CACNA2D2: variants seen among roughly 807,000 people sequenced by gnomAD.
CACNA2D2 encodes calcium voltage-gated channel auxiliary subunit alpha2delta 2, also known as voltage-dependent calcium channel subunit alpha-2/delta-2.
A neutral mutation model predicts 166.4 loss-of-function variants in CACNA2D2; 48 were observed. The ratio of observed to expected loss-of-function variants is 0.29; its 90% CI spans 0.23 to 0.37. CACNA2D2 has a LOEUF of 0.37. Among genes scored for constraint, CACNA2D2 ranks in the 10% least tolerant of loss-of-function variants. CACNA2D2 has a pLI of 1.00. For missense variants in CACNA2D2, 1,122 were observed against 1,433.0 expected (o/e 0.78, Z 3.50); for synonymous variants, 561 against 573.7 (o/e 0.98, Z 0.32).
At chr3:50,495,158 C>T (rs1304317664) in intron 1 of CACNA2D2, among the ~76,000 whole-genome samples, 1 of 152,182 alleles carries the variant, frequency 6.6e-6, no homozygotes, top group East Asian at 1.9e-4. Context: ...CCTCAGTTTC[C>T]GTGTCTATAT....
intron 21 of CACNA2D2, 123 bp from the exon 22 acceptor site, chr3:50,374,936 A>T: frequency 2.6e-6 from 2 of 779,916 alleles, no homozygotes; most frequent in Non-Finnish European, 4.3e-6. Flanking sequence ...ACCACCAGGG[A>T]CCCCTCTCCC....
At chr3:50,399,185 C>A (rs1399531092) in intron 3 of CACNA2D2, among the ~76,000 whole-genome samples, 2 of 152,216 alleles carry the variant, frequency 1.3e-5, no homozygotes, top group Non-Finnish European at 2.9e-5. Flanking sequence ...GTGCTCCACA[C>A]TTCTCCTTGG....
At chr3:50,391,775 G>C (rs1302274495) in intron 4 of CACNA2D2, among the ~76,000 whole-genome samples, 1 of 152,226 alleles carries the variant, frequency 6.6e-6, no homozygotes, top group Non-Finnish European at 1.5e-5. Flanking sequence ...TCAATACAGG[G>C]AGGGCCACAC....
intron 5 of CACNA2D2, among the ~76,000 whole-genome samples, chr3:50,386,092 G>A (rs1325186637): frequency 3.9e-5 from 6 of 152,132 alleles, no homozygotes; most frequent in Admixed American, 3.9e-4. Flanking sequence ...GAAAATGTGT[G>A]CGTGCTGTCA....
Position 50,366,083 on chromosome 3 carries a change from G to A in CACNA2D2, c.2790C>T (p.Ser930=). The A allele has an allele frequency of 6.2e-7, 1 of 1,613,872 alleles. No individual in the cohort carries two copies. The highest frequency in any genetic ancestry group is 8.5e-7 in the Non-Finnish European group (1 of 1,179,980). Reference sequence around the variant, plus strand: ...GGGCACAGGCTGCCTGATAGTCATAGGACTCCTTGCGGGTGTAGAAGGAGT... The same window carrying A: ...GGGCACAGGCTGCCTGATAGTCATAAGACTCCTTGCGGGTGTAGAAGGAGT... ...YNNSFYTRKE[S]YDYQAACAPQ... The change falls in exon 32 of 38, where the codon TCC becomes TCT. Residue 930 remains serine (S), a synonymous_variant. Coordinates refer to ENST00000424201, the MANE Select transcript of CACNA2D2 (RefSeq NM_006030.4). This position sits in a 1 kb window ranked among gnomAD's most constrained non-coding sequence, Gnocchi z 5.9.
Position 50,374,818 on chromosome 3 carries a change from G to A in CACNA2D2, c.1908-5C>T, listed in dbSNP as rs377584163. The A allele has an allele frequency of 6.3e-7, 1 of 1,585,564 alleles. No individual in the cohort carries two copies. The highest frequency in any genetic ancestry group is 8.6e-7 in the Non-Finnish European group (1 of 1,166,506). On this transcript the variant is annotated splice_polypyrimidine_tract_variant and splice_region_variant and intron_variant, in intron 21 of 37. Coordinates refer to ENST00000424201, the MANE Select transcript of CACNA2D2 (RefSeq NM_006030.4). Reference sequence around the variant, plus strand: ...GGTGGGAGCACCAGCCCCAGGCTGAGGGGGGAGAAGCTCGGGTCACGGCTG... The same window carrying A: ...GGTGGGAGCACCAGCCCCAGGCTGAAGGGGGAGAAGCTCGGGTCACGGCTG...
intron 2 of CACNA2D2, among the ~76,000 whole-genome samples, chr3:50,451,494 G>A (rs1255647839): frequency 2.0e-5 from 3 of 152,010 alleles, no homozygotes; most frequent in Non-Finnish European, 4.4e-5. Context: ...TCATCCTGAA[G>A]TTCAGGCCCC....
chr3:50,363,478 G>GTGTGTT lies in CACNA2D2; in HGVS notation c.*1187_*1188insAACACA, dbSNP rs1209575938. On this transcript the variant is annotated 3_prime_UTR_variant, in exon 38 of 38. Coordinates refer to ENST00000424201, the MANE Select transcript of CACNA2D2 (RefSeq NM_006030.4). ...GCCCAGTCCCCACCTGTGTGTGTGTGTGTGTGTGTGTGTTCAGCAAGGGAG... is the reference window on the plus strand; with the variant it reads ...GCCCAGTCCCCACCTGTGTGTGTGTGTGTGTTTGTGTGTGTGTGTTCAGCAAGGGAG... 5.7e-6 allele frequency: 2 copies of GTGTGTT among 351,046 alleles called. No homozygotes were observed. The highest frequency in any genetic ancestry group is 6.8e-5 in the Admixed American group (1 of 14,650). The allele number at this position is 351,046 out of a possible 1,614,324, so 21.7% of individuals were successfully genotyped here.
chr3:50,394,976 G>A (rs1017261602), intron 3 of CACNA2D2, among the ~76,000 whole-genome samples: 10 of 152,184 alleles, frequency 6.6e-5, no homozygotes, highest in Admixed American at 1.3e-4. Context: ...TGGAGAAGAC[G>A]CTGGGGCCCG....
intron 1 of CACNA2D2, among the ~76,000 whole-genome samples, chr3:50,500,274 C>T (rs868470428): frequency 6.6e-6 from 1 of 152,144 alleles, no homozygotes; most frequent in Non-Finnish European, 1.5e-5. Flanking sequence ...GGAAGGGAGA[C>T]GCTGGCCAAC....
At chr3:50,502,831 G>C (rs576402380) in intron 1 of CACNA2D2, among the ~76,000 whole-genome samples, 1 of 152,362 alleles carries the variant, frequency 6.6e-6, no homozygotes, top group Admixed American at 6.5e-5. Flanking sequence ...GCAGATGCGC[G>C]GCTCCAACTC....
intron 3 of CACNA2D2, among the ~76,000 whole-genome samples, chr3:50,423,064 G>A (rs1707650172): frequency 6.6e-6 from 1 of 152,170 alleles, no homozygotes; most frequent in Non-Finnish European, 1.5e-5. Context: ...GCCCCTCAGT[G>A]CCAGTCACCA....
chr3:50,425,754 C>G (rs1271000412), intron 3 of CACNA2D2, among the ~76,000 whole-genome samples: 1 of 152,174 alleles, frequency 6.6e-6, no homozygotes, highest in African/African-American at 2.4e-5. Context: ...CCTCCCTCTA[C>G]GCAGGCCTTC....
At position 50,367,840 on chromosome 3, in the gene CACNA2D2, G is replaced by A. The variant is rs2109411511; in HGVS notation, c.2206C>T (p.Arg736Cys). The A allele has an allele frequency of 6.2e-7, 1 of 1,607,478 alleles. No homozygotes were observed. The highest frequency in any genetic ancestry group is 8.5e-7 in the Non-Finnish European group (1 of 1,177,174). ...DTGITQQLVE[R>C]VWRDQDLNTY... ...TTGAGATCCTGGTCCCTCCACACAC[G>A]CTCTACCAGCTGCTGCGTGATGCCC... Residue 736 changes from arginine (R) to cysteine (C), a missense_variant, in exon 25 of 38, where the codon CGT becomes TGT. Arg to Cys is a radical substitution (Grantham distance 180, BLOSUM62 -3). Transcript: ENST00000424201. The surrounding 1 kb of genome is among the most constrained non-coding windows in gnomAD (Gnocchi z 6.5).
At chr3:50,410,729 T>C (rs1456369004) in intron 3 of CACNA2D2, among the ~76,000 whole-genome samples, 2 of 152,218 alleles carry the variant, frequency 1.3e-5, no homozygotes, top group African/African-American at 4.8e-5. Context: ...ACCAGGCCTC[T>C]TGGGTGTCCA....
chr3:50,436,268 G>T (rs543381653), intron 2 of CACNA2D2, among the ~76,000 whole-genome samples: 1 of 152,180 alleles, frequency 6.6e-6, no homozygotes, highest in African/African-American at 2.4e-5. Flanking sequence ...ACTGCTGCCC[G>T]GCTTCTCCTG....
intron 3 of CACNA2D2, among the ~76,000 whole-genome samples, chr3:50,405,006 C>T (rs1706632689): frequency 6.6e-6 from 1 of 152,334 alleles, no homozygotes; most frequent in Non-Finnish European, 1.5e-5. Flanking sequence ...CCAGCCCAAC[C>T]TCCAGGCTCC....
rs1004373562 is a variant in CACNA2D2 at position 50,367,615 on chromosome 3, GT to G, written c.2297+26del. 2.5e-6 allele frequency: 4 copies of G among 1,610,666 alleles called. No individual in the cohort carries two copies. The African/African-American group carries it at 5.3e-5, about 22-fold the overall frequency. ...ATGCAGGTTCCCTGGCAGGGGCAGG[GT>G]TTGGGTAGTGGGATAGGTCACTTAC... is the stretch of plus-strand genomic sequence containing the variant. On this transcript the variant is annotated intron_variant, in intron 26 of 37. Coordinates refer to ENST00000424201, the MANE Select transcript of CACNA2D2 (RefSeq NM_006030.4). This position sits in a 1 kb window ranked among gnomAD's most constrained non-coding sequence, Gnocchi z 6.5.
chr3:50,385,309 G>A (rs1705537269), intron 5 of CACNA2D2, among the ~76,000 whole-genome samples: 3 of 152,160 alleles, frequency 2.0e-5, no homozygotes, highest in South Asian at 2.1e-4. Flanking sequence ...AGGCTGATAG[G>A]AGAGATCATA....
Sources: gnomAD v4.1 joint callset for allele counts (sites outside exome capture counted in the v4.1 genomes callset) on GRCh38, gnomAD v4.1.1 for gene constraint, Gnocchi (gnomAD v3.1) non-coding constraint, MANE v1.5 for transcripts, NCBI Gene and HGNC (gene_info 2026-07-23, HGNC 2026-07-21) for gene names.